CD160: variants seen among roughly 807,000 people sequenced by gnomAD.
CD160 encodes the protein CD160 antigen.
CD160 carries 11 observed loss-of-function variants against 19.2 expected under a neutral mutation model. The ratio of observed to expected loss-of-function variants is 0.57; its 90% CI spans 0.36 to 0.95. CD160 has a LOEUF of 0.95. Ranked by LOEUF, CD160 falls within the 40% of genes least tolerant of loss-of-function variation. The probability of loss-of-function intolerance (pLI) is 0.01; values close to 1 mark genes in which losing one functional copy is unlikely to be tolerated. For missense variants in CD160, 182 were observed against 213.2 expected (o/e 0.85, Z 0.91); for synonymous variants, 75 against 81.1 (o/e 0.93, Z 0.40).
intron 5 of CD160, chr1:145,736,761 T>C (rs1559096443): frequency 6.3e-6 from 1 of 157,838 alleles, no homozygotes; most frequent in East Asian, 1.8e-4. Flanking sequence ...TACCACTGTT[T>C]TGAATGGCAT....
intron 1 of CD160, among the ~76,000 whole-genome samples, chr1:145,720,842 G>C (rs1047329560): frequency 6.6e-6 from 1 of 152,208 alleles, no homozygotes; most frequent in Non-Finnish European, 1.5e-5. Context: ...ACAAAGCTTG[G>C]ATTTGAACCC....
chr1:145,729,255 G>C (rs1368855957), intron 3 of CD160, among the ~76,000 whole-genome samples: 1 of 152,108 alleles, frequency 6.6e-6, no homozygotes, highest in South Asian at 2.1e-4. Context: ...AATATGCAGG[G>C]GGCAGCCTCC....
At chr1:145,736,363 T>C in intron 5 of CD160, 1 of 1,290,552 alleles carries the variant, frequency 7.7e-7, no homozygotes, top group South Asian at 1.5e-5. Context: ...GAGGTAAGAC[T>C]CATTAGGAAT....
At chr1:145,736,785 C>CTA (rs1553710258) in intron 5 of CD160, 3 of 156,058 alleles carry the variant, frequency 1.9e-5, no homozygotes, top group Non-Finnish European at 4.3e-5. Context: ...AATGTAAGCT[C>CTA]TATATATATG....
rs1553708693 is a variant in CD160, at chr1:145,728,468, C to T, written c.73+68C>T. On this transcript the variant is annotated intron_variant, in intron 3 of 5. Coordinates refer to ENST00000369288, the MANE Select transcript of CD160 (RefSeq NM_007053.4). ...CTGGGCTTGTGGGAAGGGCTGGATC[C>T]CGTGATTTTCTCTAGTGGGGAAACA... The T allele has an allele frequency of 1.4e-5, 14 of 970,610 alleles. No homozygotes were observed. In the South Asian group the frequency reaches 1.8e-4, roughly 12 times the overall value. 60.1% of individuals were successfully genotyped at this position (970,610 alleles called of 1,614,324 possible).
chr1:145,731,779 GA>G (rs1272089333), intron 4 of CD160, among the ~76,000 whole-genome samples: 2 of 152,176 alleles, frequency 1.3e-5, no homozygotes, highest in Non-Finnish European at 1.5e-5. Context: ...CAGACAACGA[GA>G]TTAGGTTTGA....
intron 1 of CD160, among the ~76,000 whole-genome samples, chr1:145,719,965 G>A (rs587631530): frequency 6.6e-6 from 1 of 152,292 alleles, no homozygotes; most frequent in East Asian, 1.9e-4. Context: ...TGGACCTCTT[G>A]GAGGTCCGTG....
At chr1:145,732,527 A>G (rs993659510) in intron 4 of CD160, among the ~76,000 whole-genome samples, 6 of 152,072 alleles carry the variant, frequency 3.9e-5, no homozygotes, top group African/African-American at 9.7e-5. Context: ...AGAAAAAAAA[A>G]AGGAAATTCA....
intron 2 of CD160, among the ~76,000 whole-genome samples, chr1:145,725,109 C>T (rs1657004185): frequency 6.6e-6 from 1 of 151,420 alleles, no homozygotes; most frequent in African/African-American, 2.4e-5. Flanking sequence ...AAACAGAATA[C>T]AGCAGCACAT....
intron 1 of CD160, among the ~76,000 whole-genome samples, chr1:145,721,818 C>G (rs1241368506): frequency 6.6e-6 from 1 of 152,202 alleles, no homozygotes; most frequent in Non-Finnish European, 1.5e-5. Context: ...AACTTCATTG[C>G]CATCTTGCAG....
chr1:145,728,397 G>C lies in CD160; in HGVS notation c.70G>C (p.Gly24Arg), dbSNP rs1223413636. ...GCTGGCAATTGTGGACATCCAGTCT[G>C]GTGGTGAGGATAGACCCTAGAGCAG... ...ILLAIVDIQS[G>R]GCINITSSAS... is the part of the protein sequence containing the mutation. Residue 24 changes from glycine to arginine, a missense_variant, in exon 3 of 6, where the codon GGT (glycine) becomes CGT (arginine). Coordinates refer to ENST00000369288, the MANE Select transcript of CD160 (RefSeq NM_007053.4). The C allele has an allele frequency of 6.2e-7, 1 of 1,609,160 alleles. No homozygotes were observed. The highest frequency in any genetic ancestry group is 8.5e-7 in the Non-Finnish European group (1 of 1,175,838).
intron 2 of CD160, among the ~76,000 whole-genome samples, chr1:145,725,278 C>G (rs1657012721): frequency 6.6e-6 from 1 of 151,782 alleles, no homozygotes; most frequent in Non-Finnish European, 1.5e-5. Flanking sequence ...ATTAGCCGAG[C>G]GCAGTGGCAG....
chr1:145,721,498 C>A lies in CD160; in HGVS notation c.-179+1939C>A, dbSNP rs374373067. 5.1e-4 allele frequency among the ~76,000 whole-genome samples: 78 copies of A among 152,134 alleles called. 1 individual carries two copies. Among genetic ancestry groups the A allele is most frequent in the Middle Eastern group, 6.3e-3 (2 of 316 alleles). On this transcript the variant is annotated intron_variant, in intron 1 of 5. Coordinates refer to ENST00000369288, the MANE Select transcript of CD160 (RefSeq NM_007053.4). ...GGGGCCCACAACAGACTTACATGCT[C>A]TTCTTCAACTCGGCCCTAGGCACCG...
Position 145,719,534 on chromosome 1 carries a change from C to T in CD160, c.-204C>T, listed in dbSNP as rs1395868832. ...TCAACGTGAGCCCCCAGTCTGAGAA[C>T]AAGAAAGAAGAACTTCTGTCTCGAG... On this transcript the variant is annotated 5_prime_UTR_variant, in exon 1 of 6. Coordinates refer to ENST00000369288, the MANE Select transcript of CD160 (RefSeq NM_007053.4). The T allele has an allele frequency of 6.6e-6, 1 of 152,470 alleles. No homozygotes were observed. The allele number at this position is 152,470 out of a possible 1,614,324, so 9.4% of individuals were successfully genotyped here.
At chr1:145,731,627 G>C (rs1657298161) in intron 4 of CD160, among the ~76,000 whole-genome samples, 1 of 152,286 alleles carries the variant, frequency 6.6e-6, no homozygotes, top group Admixed American at 6.5e-5. Flanking sequence ...CCGAGATTGT[G>C]CCATTGCACT....
At chr1:145,737,255 GAA>G (rs879979156) in intron 5 of CD160, 17 of 85,746 alleles carry the variant, frequency 2.0e-4, no homozygotes, top group African/African-American at 1.7e-4. Flanking sequence ...TTTCTCAAAG[GAA>G]AAAAAAAAAA....
rs782617206 is a variant in CD160, at chr1:145,734,111, T to C, written c.401-1886T>C. On this transcript the variant is annotated intron_variant, in intron 4 of 5. Coordinates refer to ENST00000369288, the MANE Select transcript of CD160 (RefSeq NM_007053.4). ...GTACTGCTGTTCTTCCGCACAGCAG[T>C]ACTTAGTGGGGAAGAATAGCAGTAC... Among the ~76,000 whole-genome samples, 4 of 152,312 alleles carry C rather than the reference T, an allele frequency of 2.6e-5. No individual in the cohort carries two copies. The South Asian group carries it at 8.3e-4, about 32-fold the overall frequency.
At chr1:145,732,518 GA>G (rs1188509734) in intron 4 of CD160, among the ~76,000 whole-genome samples, 4 of 140,652 alleles carry the variant, frequency 2.8e-5, no homozygotes, top group East Asian at 2.2e-4. Context: ...TAGTGGAAAA[GA>G]AAAAAAAAAG....
At chr1:145,723,872 C>T (rs1381123054) in intron 1 of CD160, among the ~76,000 whole-genome samples, 1 of 152,138 alleles carries the variant, frequency 6.6e-6, no homozygotes, top group African/African-American at 2.4e-5. Flanking sequence ...GCCACCACAC[C>T]TGGCCTTCAC....
Sources: gnomAD v4.1 joint callset for allele counts (sites outside exome capture counted in the v4.1 genomes callset) on GRCh38, gnomAD v4.1.1 for gene constraint, MANE v1.5 for transcripts, NCBI Gene and HGNC (gene_info 2026-07-23, HGNC 2026-07-21) for gene names.